Variants in C10orf67 observed in about 807,000 individuals in gnomAD.
The protein encoded by C10orf67 is chromosome 10 open reading frame 67.
Under a neutral mutation model 35.6 loss-of-function variants are expected in C10orf67, and 60 were observed. That is an observed-to-expected ratio of 1.68 (90% CI 1.37 to 2.09). The LOEUF (loss-of-function observed/expected upper bound fraction) is 2.09, where lower values mean the gene tolerates loss of function less well. Ranked by LOEUF, C10orf67 falls within the 30% of genes most tolerant of loss-of-function variation. The pLI, the probability that C10orf67 is intolerant of heterozygous loss-of-function variation, is 0.00. For synonymous variants in C10orf67, 167 were observed against 115.8 expected, an observed-to-expected ratio of 1.44 and a Z score of -2.84; for missense variants, 474 against 330.2, an observed-to-expected ratio of 1.44 and a Z score of -3.38.
At chr10:23,273,920 AT>A (rs1437559947) in intron 8 of C10orf67, among the ~76,000 whole-genome samples, 3 of 152,190 alleles carry the variant, frequency 2.0e-5, no homozygotes, top group African/African-American at 7.2e-5. Context: ...AGCCCCCAAT[AT>A]TTCAATGTAG....
chr10:23,329,010 A>C (rs552417748), intron 2 of C10orf67, among the ~76,000 whole-genome samples: 15 of 147,910 alleles, frequency 1.0e-4, no homozygotes, highest in Non-Finnish European at 1.8e-4. Flanking sequence ...AAAAAAAAAA[A>C]AAAGAAAGAA....
chr10:23,261,580 G>A (rs1357589989), intron 10 of C10orf67, among the ~76,000 whole-genome samples: 2 of 152,074 alleles, frequency 1.3e-5, no homozygotes, highest in East Asian at 3.8e-4. Context: ...TCAAAGTGTT[G>A]GAATTACAGG....
At chr10:23,315,507 T>C (rs1370741495) in intron 4 of C10orf67, among the ~76,000 whole-genome samples, 1 of 152,148 alleles carries the variant, frequency 6.6e-6, no homozygotes, top group Non-Finnish European at 1.5e-5. Context: ...GGCATGATCA[T>C]GGCTCACTGC....
intron 13 of C10orf67, among the ~76,000 whole-genome samples, chr10:23,226,419 C>A (rs978486038): frequency 2.0e-5 from 3 of 152,050 alleles, no homozygotes; most frequent in African/African-American, 7.2e-5. Flanking sequence ...ATACCAGAAT[C>A]TCTGGGACAC....
chr10:23,343,985 C>T (rs766516221), intron 1 of C10orf67: 75 of 448,954 alleles, frequency 1.7e-4, no homozygotes, highest in Non-Finnish European at 2.9e-4. Context: ...TCAGGCGAGT[C>T]GCCCCAGTTC....
At chr10:23,259,824 T>C (rs1842700068) in intron 10 of C10orf67, among the ~76,000 whole-genome samples, 1 of 151,968 alleles carries the variant, frequency 6.6e-6, no homozygotes, top group Non-Finnish European at 1.5e-5. Flanking sequence ...AAAAAAGTAA[T>C]CAGTGAATTT....
At chr10:23,307,772 A>G (rs1844343955) in intron 4 of C10orf67, among the ~76,000 whole-genome samples, 4 of 151,852 alleles carry the variant, frequency 2.6e-5, no homozygotes, top group Admixed American at 2.6e-4. Context: ...ACATACCACC[A>G]TGCCTGGCTA....
At chr10:23,337,042 T>C (rs917896198) in intron 1 of C10orf67, among the ~76,000 whole-genome samples, 3 of 152,082 alleles carry the variant, frequency 2.0e-5, no homozygotes, top group Admixed American at 6.6e-5. Context: ...TGGCCATATA[T>C]GACAATTTAA....
intron 15 of C10orf67, among the ~76,000 whole-genome samples, chr10:23,208,442 C>T (rs994627793): frequency 6.6e-6 from 1 of 152,154 alleles, no homozygotes; most frequent in African/African-American, 2.4e-5. Flanking sequence ...AGCAAGGTAG[C>T]GATTTCCGCA....
chr10:23,294,320 G>C (rs767154179), intron 5 of C10orf67, among the ~76,000 whole-genome samples: 1 of 151,892 alleles, frequency 6.6e-6, no homozygotes, highest in Non-Finnish European at 1.5e-5. Context: ...AAAATAAAAA[G>C]TCTATTCAAA....
chr10:23,324,388 C>T (rs1564514022), intron 2 of C10orf67, among the ~76,000 whole-genome samples: 1 of 152,092 alleles, frequency 6.6e-6, no homozygotes, highest in Non-Finnish European at 1.5e-5. Context: ...CTTTGTTCTT[C>T]CAGATAACTC....
intron 10 of C10orf67, among the ~76,000 whole-genome samples, chr10:23,252,298 G>T (rs1371024761): frequency 6.6e-6 from 1 of 151,744 alleles, no homozygotes; most frequent in Non-Finnish European, 1.5e-5. Flanking sequence ...TTAATAAATT[G>T]TTCTTTGGTT....
chr10:23,256,802 G>A (rs1009281293), intron 10 of C10orf67, among the ~76,000 whole-genome samples: 1 of 152,112 alleles, frequency 6.6e-6, no homozygotes, highest in Admixed American at 6.6e-5. Context: ...GCTACTACAG[G>A]AAAATCACCT....
chr10:23,283,409 CTTGT>C (rs1193855575), intron 7 of C10orf67, among the ~76,000 whole-genome samples: 6 of 152,170 alleles, frequency 3.9e-5, no homozygotes, highest in Non-Finnish European at 8.8e-5. Flanking sequence ...TGTCACTGTT[CTTGT>C]TTCAGTTCTT....
downstream of C10orf67, chr10:23,202,532 A>G (rs1841052684): frequency 2.0e-5 from 3 of 149,702 alleles, no homozygotes; most frequent in South Asian, 2.1e-4. Flanking sequence ...TTTCATCACT[A>G]TGGGAAAAAA....
intron 8 of C10orf67, among the ~76,000 whole-genome samples, chr10:23,278,120 GC>G (rs1206304037): frequency 3.3e-5 from 5 of 152,142 alleles, no homozygotes; most frequent in Admixed American, 3.3e-4. Context: ...CTCCCATGAG[GC>G]CCCCACTCCA....
intron 12 of C10orf67, among the ~76,000 whole-genome samples, 155 bp from the exon 13 acceptor site, chr10:23,239,971 A>G (rs938288082): frequency 1.3e-5 from 2 of 152,192 alleles, no homozygotes; most frequent in African/African-American, 2.4e-5. Context: ...TACCTCTTTC[A>G]TTTTTAAAAC....
intron 10 of C10orf67, among the ~76,000 whole-genome samples, chr10:23,262,792 C>G (rs2132186893): frequency 6.6e-6 from 1 of 152,192 alleles, no homozygotes; most frequent in Admixed American, 6.5e-5. Context: ...TAAAATAAGG[C>G]AGAAGACAAA....
intron 2 of C10orf67, among the ~76,000 whole-genome samples, chr10:23,328,244 T>C (rs1845274046): frequency 6.6e-6 from 1 of 152,172 alleles, no homozygotes; most frequent in African/African-American, 2.4e-5. Flanking sequence ...TCTTCTTTAC[T>C]GATGGAACCA....
Sources: gnomAD v4.1 joint callset for allele counts (sites outside exome capture counted in the v4.1 genomes callset) on GRCh38, gnomAD v4.1.1 for gene constraint, MANE v1.5 for transcripts, NCBI Gene and HGNC (gene_info 2026-07-23, HGNC 2026-07-21) for gene names.